The following POLR2F variants were observed in gnomAD, a reference collection of about 807,000 sequenced individuals.
The protein encoded by POLR2F is DNA-directed RNA polymerases I, II, and III subunit RPABC2.
POLR2F carries 12 observed loss-of-function variants against 22.7 expected under a neutral mutation model. That is an observed-to-expected ratio of 0.53 (90% CI 0.34 to 0.86). POLR2F has a LOEUF of 0.86. POLR2F is among the 40% of genes least tolerant of loss of function. POLR2F has a pLI of 0.02. For synonymous variants in POLR2F, 57 were observed against 66.0 expected, an observed-to-expected ratio of 0.86 and a Z score of 0.66; for missense variants, 126 against 171.5, an observed-to-expected ratio of 0.73 and a Z score of 1.48.
intron 1 of POLR2F, among the ~76,000 whole-genome samples, chr22:37,956,253 C>T (rs1056210417): frequency 2.6e-5 from 4 of 151,942 alleles, no homozygotes; most frequent in South Asian, 2.1e-4. Flanking sequence ...CCACCACTCC[C>T]GGCTAATTTT....
chr22:37,959,360 T>A lies in POLR2F; in HGVS notation c.105T>A (p.Asn35Lys), dbSNP rs961110096. Residue 35 changes from asparagine to lysine, a missense_variant, in exon 3 of 5, where the codon AAT becomes AAA. Transcript: ENST00000442738. ...TTGGTGTCCAGGAAGGCCAGGAGAA[T>A]GTCGAGATCCTCCCCTCTGGGGAGC... ...LENAEEEGQE[N>K]VEILPSGERP... is the part of the protein sequence containing the mutation. The A allele has an allele frequency of 1.9e-6, 3 of 1,613,964 alleles. No individual in the cohort carries two copies. The African/African-American group carries it at 4.0e-5, about 22-fold the overall frequency.
intron 2 of POLR2F, chr22:38,026,263 C>G (rs2085009290): frequency 1.1e-5 from 6 of 533,154 alleles, no homozygotes; most frequent in South Asian, 8.4e-5. Context: ...CTCTCTTTCC[C>G]TCCTGCCCAG....
chr22:37,970,559 A>T (rs374381092), downstream of POLR2F: 3 of 136,756 alleles, frequency 2.2e-5, no homozygotes, highest in African/African-American at 8.2e-5. Context: ...GGGAGCCAAG[A>T]TTGCAACATT....
chr22:37,983,844 T>C (rs368355059), upstream of POLR2F: 2 of 1,320,146 alleles, frequency 1.5e-6, no homozygotes, highest in South Asian at 1.6e-5. The surrounding 1 kb of genome is among the most constrained non-coding windows in gnomAD (Gnocchi z 9.5). Flanking sequence ...GCCGCCGGGG[T>C]CCTCGCAAAG....
At chr22:37,966,430 G>A (rs1270189938) in intron 3 of POLR2F, among the ~76,000 whole-genome samples, 2 of 151,928 alleles carry the variant, frequency 1.3e-5, no homozygotes, top group Non-Finnish European at 2.9e-5. Flanking sequence ...AGGGTGGGGA[G>A]GGCTGGGCAG....
At chr22:37,963,176 G>A (rs773547604) in intron 3 of POLR2F, among the ~76,000 whole-genome samples, 2 of 151,722 alleles carry the variant, frequency 1.3e-5, no homozygotes, top group African/African-American at 2.4e-5. Context: ...TAGTAGGGAC[G>A]GGGTTTCACC....
At chr22:37,987,235 G>T (rs1932608846) in intron 1 of POLR2F, 1 of 456,606 alleles carries the variant, frequency 2.2e-6, no homozygotes, top group African/African-American at 2.0e-5. Flanking sequence ...GCCCAAGGAG[G>T]CCTTTCCGGA....
At chr22:37,954,866 T>G (rs372909507) in intron 1 of POLR2F, among the ~76,000 whole-genome samples, 3 of 151,688 alleles carry the variant, frequency 2.0e-5, no homozygotes, top group African/African-American at 7.3e-5. Context: ...GGACATTGAG[T>G]GCTTGGGGGA....
At chr22:37,989,690 A>G (rs551403736) in intron 1 of POLR2F, among the ~76,000 whole-genome samples, 9 of 152,344 alleles carry the variant, frequency 5.9e-5, no homozygotes, top group Admixed American at 4.6e-4. Context: ...CGATTCAGTG[A>G]CAGGCCTGAG....
chr22:37,985,511 C>G (rs1160054421), upstream of POLR2F, among the ~76,000 whole-genome samples: 1 of 152,116 alleles, frequency 6.6e-6, no homozygotes, highest in African/African-American at 2.4e-5. Context: ...CTCCAAAGGT[C>G]GCAGTGCTGT....
At chr22:38,030,528 T>G (rs1274588581), downstream of POLR2F, among the ~76,000 whole-genome samples, 15 of 152,188 alleles carry the variant, frequency 9.9e-5, no homozygotes, top group African/African-American at 4.8e-5. Context: ...TGCCCAAGAC[T>G]GCTAGTGCTC....
rs528790136 is a variant in POLR2F, at chr22:37,997,544, A to T, written c.120+11232A>T. Reference sequence around the variant, plus strand: ...CCTCTCATCTGCCCTGCCTCTGTAAATGTGGGGAGGACCCTGGGAAAATGA... The same window carrying T: ...CCTCTCATCTGCCCTGCCTCTGTAATTGTGGGGAGGACCCTGGGAAAATGA... On this transcript the variant is annotated intron_variant, in intron 1 of 2. Transcript: ENST00000333418. The surrounding 1 kb of genome is among the most constrained non-coding windows in gnomAD (Gnocchi z 4.4). Among the ~76,000 whole-genome samples the T allele has an allele frequency of 2.0e-5, 3 of 151,970 alleles. No homozygotes were observed. In the South Asian group the frequency reaches 6.3e-4, roughly 32 times the overall value.
Position 38,025,914 on chromosome 22 carries a change from C to G in POLR2F, c.168C>G (p.Asp56Glu), listed in dbSNP as rs146364126. The G allele has an allele frequency of 2.6e-5, 19 of 728,206 alleles. 1 individual carries two copies. The African/African-American group carries it at 3.1e-4, about 12-fold the overall frequency. 45.1% of individuals were successfully genotyped at this position (728,206 alleles called of 1,614,324 possible). A position where few individuals can be genotyped will look rare whatever the true frequency, so the allele number is the denominator to read the frequency against. Residue 56 changes from aspartate (D) to glutamate (E), a missense_variant, in exon 2 of 3, where the codon GAC becomes GAG. Physicochemically the swap from Asp to Glu is conservative, Grantham distance 45. Transcript: ENST00000333418. ...CCTCCTGTCTTCTACATGGGATGGA[C>G]TCAGGAGCGCTCAACAGATGCTCTG...
upstream of POLR2F, among the ~76,000 whole-genome samples, chr22:37,982,114 C>T (rs1601885708): frequency 6.6e-6 from 1 of 152,340 alleles, no homozygotes; most frequent in East Asian, 1.9e-4. Flanking sequence ...ATGCTCCTCA[C>T]TCTTGTTCTC....
At chr22:38,014,503 A>G (rs993842052) in intron 1 of POLR2F, among the ~76,000 whole-genome samples, 2 of 146,000 alleles carry the variant, frequency 1.4e-5, no homozygotes, top group Admixed American at 1.4e-4. Context: ...GGCGCCCACC[A>G]CCACGCCCGG....
chr22:37,985,818 AAC>A (rs60447362), upstream of POLR2F, among the ~76,000 whole-genome samples: 5,530 of 144,298 alleles, frequency 0.038, 297 homozygotes, highest in African/African-American at 0.12. Flanking sequence ...CAGACACTGG[AAC>A]ACACACACAC....
At chr22:37,957,042 G>T in intron 2 of POLR2F, 200 bp downstream of exon 2, 2 of 609,380 alleles carry the variant, frequency 3.3e-6, no homozygotes, top group East Asian at 5.5e-5. Context: ...TTGTCCATGT[G>T]GTCCACAGCC....
intron 3 of POLR2F, among the ~76,000 whole-genome samples, chr22:37,959,911 C>T (rs1931559993): frequency 6.7e-6 from 1 of 149,628 alleles, no homozygotes; most frequent in East Asian, 2.0e-4. Context: ...TCAAGTGATT[C>T]TCGTGCCTCA....
chr22:37,986,457 G>A lies in POLR2F; in HGVS notation c.120+145G>A. The A allele has an allele frequency of 2.0e-6, 3 of 1,508,034 alleles. No homozygotes were observed. The highest frequency in any genetic ancestry group is 2.7e-6 in the Non-Finnish European group (3 of 1,122,842). 93.4% of individuals were successfully genotyped at this position (1,508,034 alleles called of 1,614,324 possible). A position where few individuals can be genotyped will look rare whatever the true frequency, so the allele number is the denominator to read the frequency against. On this transcript the variant is annotated intron_variant, in intron 1 of 2. Coordinates refer to the POLR2F transcript ENST00000333418. The surrounding 1 kb of genome is among the most constrained non-coding windows in gnomAD (Gnocchi z 4.7). The stretch of plus-strand genomic sequence containing the variant: ...GAAGGAAAGAGCCCAGAGTTAGGAG[G>A]TGGAATGTGGGGTCCCACAGCTGCC...
Sources: allele counts gnomAD v4.1 joint callset (sites outside exome capture counted in the v4.1 genomes callset), GRCh38; gene constraint gnomAD v4.1.1; non-coding constraint Gnocchi (gnomAD v3.1); transcripts MANE v1.5; gene names NCBI Gene and HGNC (gene_info 2026-07-23, HGNC 2026-07-21).